Variants in NT5DC3 observed in about 807,000 individuals in gnomAD.
NT5DC3 encodes the protein 5'-nucleotidase domain containing 3, also known as 5'-nucleotidase domain-containing protein 3.
A neutral mutation model predicts 67.8 loss-of-function variants in NT5DC3; 42 were observed. The observed-to-expected ratio is 0.62, with a 90% CI of 0.48 to 0.80. The LOEUF (loss-of-function observed/expected upper bound fraction) is 0.80, where lower values mean the gene tolerates loss of function less well. NT5DC3 is among the 30% of genes least tolerant of loss of function. The pLI, the probability that NT5DC3 is intolerant of heterozygous loss-of-function variation, is 0.00. For missense variants in NT5DC3, 570 were observed against 696.4 expected, an observed-to-expected ratio of 0.82 and a Z score of 2.04; for synonymous variants, 237 against 255.6, an observed-to-expected ratio of 0.93 and a Z score of 0.69.
At chr12:103,753,083 A>T in the NT5DC3 span, 10 of 959,482 alleles carry the variant, frequency 1.0e-5, no homozygotes, top group South Asian at 2.0e-4. Flanking sequence ...CTTCAACATA[A>T]CTTGAAGGGA....
At chr12:103,809,487 A>G (rs1451825925) in intron 2 of NT5DC3, among the ~76,000 whole-genome samples, 1 of 152,220 alleles carries the variant, frequency 6.6e-6, no homozygotes, top group African/African-American at 2.4e-5. Flanking sequence ...TGATAAACAC[A>G]TACCTGAAAC....
intron 3 of NT5DC3, 42 bp downstream of exon 3, chr12:103,806,813 A>G: frequency 8.2e-7 from 1 of 1,224,964 alleles, no homozygotes; most frequent in Non-Finnish European, 1.2e-6. Flanking sequence ...TTTCATTTCC[A>G]AACATCATTA....
intron 2 of NT5DC3, among the ~76,000 whole-genome samples, chr12:103,807,689 G>A (rs758024642): frequency 4.6e-5 from 7 of 152,308 alleles, no homozygotes; most frequent in Non-Finnish European, 1.0e-4. Flanking sequence ...TTGGCTCTAT[G>A]TCCCCAGCCA....
chr12:103,840,128 C>A (rs1888316696), intron 1 of NT5DC3, among the ~76,000 whole-genome samples: 1 of 152,204 alleles, frequency 6.6e-6, no homozygotes. Context: ...ACCTGAGTCT[C>A]GCCTTTCCCA....
intron 4 of NT5DC3, among the ~76,000 whole-genome samples, chr12:103,803,860 C>CCA (rs66834812): frequency 3.5e-5 from 3 of 85,140 alleles, no homozygotes; most frequent in Non-Finnish European, 7.7e-5. Flanking sequence ...TTCATTACCA[C>CCA]CCCCCCCCCA....
intron 2 of NT5DC3, among the ~76,000 whole-genome samples, chr12:103,809,396 G>A (rs180913394): frequency 3.5e-4 from 54 of 152,306 alleles, no homozygotes; most frequent in African/African-American, 1.2e-3. Flanking sequence ...TATTCTTGGG[G>A]AGCCACTCCT....
At position 103,780,469 on chromosome 12, in the gene NT5DC3, C is replaced by T. The variant is rs1326319173; in HGVS notation, c.1330-105G>A. 7 of 993,928 alleles carry T rather than the reference C, an allele frequency of 7.0e-6. No individual in the cohort carries two copies. In the East Asian group the frequency reaches 1.2e-4, roughly 17 times the overall value. 61.6% of individuals were successfully genotyped at this position (993,928 alleles called of 1,614,324 possible). A position where few individuals can be genotyped will look rare whatever the true frequency, so the allele number is the denominator to read the frequency against. The stretch of plus-strand genomic sequence containing the variant: ...GTTTTTCTAGGAGAAATTTTATTCC[C>T]TTACATCTCAGAGGCTGGCACCTGA... On this transcript the variant is annotated intron_variant, in intron 12 of 13. Coordinates refer to ENST00000392876, the MANE Select transcript of NT5DC3 (RefSeq NM_001031701.3).
chr12:103,841,227 C>A lies in NT5DC3; in HGVS notation c.-71G>T, dbSNP rs1036400673. On this transcript the variant is annotated 5_prime_UTR_variant, in exon 1 of 14. Transcript: ENST00000392876. ...GCTGCTGCCCGGCCCAAGATCTACCCGCGCTCTGCCCTGCAGGAGGGCAGC... is the reference window on the plus strand; with the variant it reads ...GCTGCTGCCCGGCCCAAGATCTACCAGCGCTCTGCCCTGCAGGAGGGCAGC... The A allele has an allele frequency of 8.0e-6, 4 of 500,794 alleles. No individual in the cohort carries two copies. Among genetic ancestry groups the A allele is most frequent in the South Asian group, 6.8e-5 (3 of 44,258 alleles). 31.0% of individuals were successfully genotyped at this position (500,794 alleles called of 1,614,324 possible).
At chr12:103,771,502 T>C (rs1389056473), downstream of NT5DC3, among the ~76,000 whole-genome samples, 1 of 152,204 alleles carries the variant, frequency 6.6e-6, no homozygotes, top group Non-Finnish European at 1.5e-5. Flanking sequence ...TCCCTTACAA[T>C]GCAGGGGGTC....
chr12:103,800,167 C>A (rs1026062142), intron 4 of NT5DC3, among the ~76,000 whole-genome samples: 2 of 152,178 alleles, frequency 1.3e-5, no homozygotes, highest in African/African-American at 4.8e-5. Flanking sequence ...GTAACGTTAA[C>A]AAAAAGATCA....
intron 12 of NT5DC3, among the ~76,000 whole-genome samples, chr12:103,782,773 G>A (rs910737983): frequency 3.3e-5 from 5 of 152,164 alleles, no homozygotes; most frequent in African/African-American, 1.2e-4. Flanking sequence ...CACTCTGTGA[G>A]GTCAGGAGTT....
rs369334474 is a variant in NT5DC3 at position 103,828,316 on chromosome 12, A to G, written c.208+12633T>C. Among the ~76,000 whole-genome samples, 116 of 152,368 alleles carry G rather than the reference A, an allele frequency of 7.6e-4. 1 individual carries two copies. The highest frequency in any genetic ancestry group is 2.5e-3 in the African/African-American group (104 of 41,576). ...TATGGAAAAAGGGATTCCTTCTTCC[A>G]GCAGAGGACTGAACTCTATGACCTC... On this transcript the variant is annotated intron_variant, in intron 1 of 13. Transcript: ENST00000392876.
chr12:103,823,510 G>C (rs558244148), intron 1 of NT5DC3, among the ~76,000 whole-genome samples: 4 of 151,888 alleles, frequency 2.6e-5, no homozygotes, highest in East Asian at 3.8e-4. Flanking sequence ...GCATTTTTTT[G>C]GTTTGTTTTC....
the NT5DC3 span, among the ~76,000 whole-genome samples, chr12:103,752,814 T>G: frequency 6.6e-6 from 1 of 152,178 alleles, no homozygotes; most frequent in African/African-American, 2.4e-5. Context: ...CTACCACATT[T>G]AGAGTATATA....
the NT5DC3 span, among the ~76,000 whole-genome samples, chr12:103,754,103 C>T: frequency 2.0e-5 from 3 of 152,100 alleles, no homozygotes; most frequent in African/African-American, 7.2e-5. Flanking sequence ...AGCCCCTTCT[C>T]CAACCTCCAT....
the NT5DC3 span, among the ~76,000 whole-genome samples, chr12:103,754,094 G>T: frequency 2.6e-5 from 4 of 152,062 alleles, no homozygotes; most frequent in Non-Finnish European, 5.9e-5. Flanking sequence ...TGATTTTAAA[G>T]CCCCTTCTCC....
At position 103,829,128 on chromosome 12, in the gene NT5DC3, C is replaced by A. The variant is rs183293813; in HGVS notation, c.208+11821G>T. Among the ~76,000 whole-genome samples, 125 of 152,260 alleles carry A rather than the reference C, an allele frequency of 8.2e-4. No individual in the cohort carries two copies. The East Asian group carries it at 0.023, about 27-fold the overall frequency. On this transcript the variant is annotated intron_variant, in intron 1 of 13. Coordinates refer to ENST00000392876, the MANE Select transcript of NT5DC3 (RefSeq NM_001031701.3). ...CAATACTTGCTTTTTCCTTTTTACTCAAAATTATTCTAGTGAGAGTCACCC... is the reference window on the plus strand; with the variant it reads ...CAATACTTGCTTTTTCCTTTTTACTAAAAATTATTCTAGTGAGAGTCACCC...
intron 3 of NT5DC3, 120 bp downstream of exon 3, chr12:103,806,735 C>G: frequency 1.5e-6 from 1 of 656,130 alleles, no homozygotes; most frequent in South Asian, 1.9e-5. Context: ...AAATTTGGTT[C>G]TGCAGTCCCA....
At chr12:103,829,361 TG>T (rs1228883068) in intron 1 of NT5DC3, among the ~76,000 whole-genome samples, 2 of 152,236 alleles carry the variant, frequency 1.3e-5, no homozygotes, top group African/African-American at 2.4e-5. Flanking sequence ...AGGCTACAAC[TG>T]GCCCATGAAC....
Sources: allele counts gnomAD v4.1 joint callset (sites outside exome capture counted in the v4.1 genomes callset), GRCh38; gene constraint gnomAD v4.1.1; transcripts MANE v1.5; gene names NCBI Gene and HGNC (gene_info 2026-07-23, HGNC 2026-07-21).